PDE7A: variants seen among roughly 807,000 people sequenced by gnomAD.
The protein encoded by PDE7A is phosphodiesterase 7A, also known as high affinity 3',5'-cyclic-AMP phosphodiesterase 7A.
Under a neutral mutation model 64.3 loss-of-function variants are expected in PDE7A, and 39 were observed. The ratio of observed to expected loss-of-function variants is 0.61; its 90% CI spans 0.47 to 0.79. PDE7A has a LOEUF of 0.79. Among genes scored for constraint, PDE7A ranks in the 30% least tolerant of loss-of-function variants. The pLI, the probability that PDE7A is intolerant of heterozygous loss-of-function variation, is 0.00. For synonymous variants in PDE7A, 203 were observed against 206.8 expected, an observed-to-expected ratio of 0.98 and a Z score of 0.16; for missense variants, 470 against 582.8, an observed-to-expected ratio of 0.81 and a Z score of 1.99.
At chr8:65,785,234 A>G (rs1809517999) in intron 1 of PDE7A, among the ~76,000 whole-genome samples, 1 of 152,180 alleles carries the variant, frequency 6.6e-6, no homozygotes, top group Non-Finnish European at 1.5e-5. Context: ...GGTGTCTCCA[A>G]GGAGGCTGAG....
chr8:65,817,230 C>T (rs983531501), intron 1 of PDE7A, among the ~76,000 whole-genome samples: 2 of 152,036 alleles, frequency 1.3e-5, no homozygotes, highest in African/African-American at 2.4e-5. Context: ...CCTATATATG[C>T]CTCCCTAATG....
rs1459913421 is a variant in PDE7A at position 65,724,683 on chromosome 8, A to C, written c.1065+94T>G. 35 of 1,092,826 alleles carry C rather than the reference A, an allele frequency of 3.2e-5. No individual in the cohort carries two copies. In the South Asian group the frequency reaches 5.9e-4, roughly 18 times the overall value. 67.7% of individuals were successfully genotyped at this position (1,092,826 alleles called of 1,614,324 possible). A position where few individuals can be genotyped will look rare whatever the true frequency, so the allele number is the denominator to read the frequency against. ...TTCTTTAGCTTGCCCTCAAGATTTA[A>C]CCATTCTGAAAAACTACACTAGAAT... On this transcript the variant is annotated intron_variant, in intron 10 of 12. Coordinates refer to ENST00000401827, the MANE Select transcript of PDE7A (RefSeq NM_001242318.3).
rs1307328635 is a variant in PDE7A at position 65,810,504 on chromosome 8, G to T, written c.139-27661C>A. Among the ~76,000 whole-genome samples, 8 of 152,054 alleles carry T rather than the reference G, an allele frequency of 5.3e-5. No individual in the cohort carries two copies. In the East Asian group the frequency reaches 1.5e-3, roughly 29 times the overall value. On this transcript the variant is annotated intron_variant, in intron 1 of 12. Coordinates refer to ENST00000401827, the MANE Select transcript of PDE7A (RefSeq NM_001242318.3). ...TAGAACTTAAAGTGTAATAAAAAAA[G>T]TATTGCTGTAAAAGCCCTAAATAAA...
intron 3 of PDE7A, among the ~76,000 whole-genome samples, chr8:65,778,149 C>T (rs1249685998): frequency 6.6e-6 from 1 of 152,226 alleles, no homozygotes; most frequent in Non-Finnish European, 1.5e-5. Context: ...TGACCCTGAG[C>T]AAGCTGTGTG....
chr8:65,762,533 G>GT (rs142830668), intron 3 of PDE7A, among the ~76,000 whole-genome samples: 1 of 152,234 alleles, frequency 6.6e-6, no homozygotes, highest in African/African-American at 2.4e-5. Flanking sequence ...CATTAAACAG[G>GT]TTAGTTAAGG....
intron 1 of PDE7A, among the ~76,000 whole-genome samples, chr8:65,821,856 G>A (rs373100787): frequency 7.9e-5 from 12 of 152,026 alleles, no homozygotes; most frequent in East Asian, 1.9e-4. Context: ...AATTATTTTC[G>A]TCTGTTTCAT....
At chr8:65,785,149 TA>T (rs778746631) in intron 1 of PDE7A, among the ~76,000 whole-genome samples, 6 of 152,042 alleles carry the variant, frequency 3.9e-5, no homozygotes, top group Non-Finnish European at 5.9e-5. Context: ...CACAAGTTCT[TA>T]AAAAAACACA....
In PDE7A at chr8:65,841,530, C is replaced by G; in HGVS notation, c.-22G>C. On this transcript the variant is annotated 5_prime_UTR_variant, in exon 1 of 13. Transcript: ENST00000401827. ...CCATTGAATACGCCCGCCCTGCCTCCGCGCGGCGCCCGCCCTGCCGCGGCC... is the reference window on the plus strand; with the variant it reads ...CCATTGAATACGCCCGCCCTGCCTCGGCGCGGCGCCCGCCCTGCCGCGGCC... 7.0e-7 allele frequency: 1 copy of G among 1,438,358 alleles called. No individual in the cohort carries two copies. Among genetic ancestry groups the G allele is most frequent in the South Asian group, 1.5e-5 (1 of 65,198 alleles). The allele number at this position is 1,438,358 out of a possible 1,614,324, so 89.1% of individuals were successfully genotyped here. A position where few individuals can be genotyped will look rare whatever the true frequency, so the allele number is the denominator to read the frequency against.
chr8:65,757,985 C>T (rs889560906), intron 3 of PDE7A, among the ~76,000 whole-genome samples: 3 of 152,176 alleles, frequency 2.0e-5, no homozygotes, highest in Non-Finnish European at 4.4e-5. Context: ...TTTATTTACC[C>T]TCAGTTATTA....
chr8:65,788,945 A>C (rs1396405464), intron 1 of PDE7A: 1 of 1,612,786 alleles, frequency 6.2e-7, no homozygotes, highest in African/African-American at 1.3e-5. Context: ...TTCCCATTGG[A>C]TCAATCAAAA....
rs771770774 is a variant in PDE7A at position 65,734,813 on chromosome 8, C to G, written c.677G>C (p.Cys226Ser). The G allele has an allele frequency of 6.3e-7, 1 of 1,599,426 alleles. No individual in the cohort carries two copies. The highest frequency in any genetic ancestry group is 1.1e-5 in the South Asian group (1 of 90,304). The change falls in exon 7 of 13, where the codon TGT (cysteine) becomes TCT (serine). Residue 226 changes from cysteine to serine, a missense_variant. Coordinates refer to ENST00000401827, the MANE Select transcript of PDE7A (RefSeq NM_001242318.3). ...TCTTACCTTAGGTTCCTTTAAGTAA[C>G]AGTGCATGGCCTGAGTAACATCCGC... is the stretch of plus-strand genomic sequence containing the variant. The part of the protein sequence containing the change: ...HAADVTQAMH[C>S]YLKEPKLANS...
At chr8:65,839,606 A>C (rs1367770052) in intron 1 of PDE7A, among the ~76,000 whole-genome samples, 1 of 152,216 alleles carries the variant, frequency 6.6e-6, no homozygotes, top group Non-Finnish European at 1.5e-5. Context: ...GTTCCTGTAT[A>C]CTTCACTTTG....
intron 5 of PDE7A, among the ~76,000 whole-genome samples, chr8:65,743,695 C>T (rs959146611): frequency 2.0e-5 from 3 of 152,198 alleles, no homozygotes; most frequent in Non-Finnish European, 4.4e-5. Context: ...ACATATTTGG[C>T]ATCCTTATCA....
At chr8:65,817,235 C>G (rs139377841) in intron 1 of PDE7A, among the ~76,000 whole-genome samples, 1 of 152,138 alleles carries the variant, frequency 6.6e-6, no homozygotes, top group Non-Finnish European at 1.5e-5. Flanking sequence ...ATATGCCTCC[C>G]TAATGTCAAA....
intron 1 of PDE7A, among the ~76,000 whole-genome samples, chr8:65,787,562 T>C (rs1297412338): frequency 6.6e-6 from 1 of 152,170 alleles, no homozygotes; most frequent in Non-Finnish European, 1.5e-5. Flanking sequence ...ATCCTTCCCA[T>C]TCTTCTTCCT....
chr8:65,817,397 G>C (rs1242139123), intron 1 of PDE7A, among the ~76,000 whole-genome samples: 1 of 151,914 alleles, frequency 6.6e-6, no homozygotes, highest in African/African-American at 2.4e-5. Context: ...CATAACCATG[G>C]TACGTTTATC....
chr8:65,741,430 TAACC>T (rs2128902741), intron 5 of PDE7A, among the ~76,000 whole-genome samples: 1 of 152,336 alleles, frequency 6.6e-6, no homozygotes, highest in South Asian at 2.1e-4. Flanking sequence ...TAAAACTGCC[TAACC>T]AACTGCCAAC....
In PDE7A at chr8:65,770,069, C is replaced by G. The variant is rs146312614; in HGVS notation, c.283+9651G>C. On this transcript the variant is annotated intron_variant, in intron 3 of 12. Transcript: ENST00000401827. ...AAAAATAAATAGTATAAAGAACACTCTATTCTCAGATATGCATTGTTAACA... is the reference window on the plus strand; with the variant it reads ...AAAAATAAATAGTATAAAGAACACTGTATTCTCAGATATGCATTGTTAACA... Among the ~76,000 whole-genome samples the G allele has an allele frequency of 5.8e-3, 878 of 152,056 alleles. 8 individuals carry two copies. Among genetic ancestry groups the G allele is most frequent in the Non-Finnish European group, 1.0e-2 (677 of 67,996 alleles).
At chr8:65,797,557 T>C (rs943048271) in intron 1 of PDE7A, among the ~76,000 whole-genome samples, 1 of 152,210 alleles carries the variant, frequency 6.6e-6, no homozygotes, top group East Asian at 1.9e-4. Context: ...ATTTCTGTTG[T>C]TTTAAGCCAC....
Sources: gnomAD v4.1 joint callset for allele counts (sites outside exome capture counted in the v4.1 genomes callset) on GRCh38, gnomAD v4.1.1 for gene constraint, MANE v1.5 for transcripts, NCBI Gene and HGNC (gene_info 2026-07-23, HGNC 2026-07-21) for gene names.